RBBP9: variants seen among roughly 807,000 people sequenced by gnomAD.
RBBP9 encodes the protein serine hydrolase RBBP9.
In RBBP9, 20 loss-of-function variants were observed where a neutral mutation model predicts 24.2. The observed-to-expected ratio is 0.83, with a 90% CI of 0.58 to 1.20. RBBP9 has a LOEUF of 1.20. RBBP9 is among the 50% of genes most tolerant of loss of function. The pLI is 0.00. For synonymous variants in RBBP9, 74 were observed against 84.6 expected (o/e 0.87, Z 0.69); for missense variants, 234 against 233.6 (o/e 1.00, Z -0.01).
At chr20:18,496,521 C>G (rs1227932619) in intron 1 of RBBP9, among the ~76,000 whole-genome samples, 1 of 152,090 alleles carries the variant, frequency 6.6e-6, no homozygotes, top group Non-Finnish European at 1.5e-5. Flanking sequence ...TTGAAAAGTA[C>G]TTCAATTTTA....
chr20:18,490,267 G>T, intron 4 of RBBP9, 128 bp downstream of exon 4: 2 of 726,392 alleles, frequency 2.8e-6, no homozygotes, highest in Non-Finnish European at 4.8e-6. Context: ...AAAGATAGGT[G>T]GTATATCTTT....
At chr20:18,494,745 A>C (rs2059878857) in intron 2 of RBBP9, among the ~76,000 whole-genome samples, 2 of 152,192 alleles carry the variant, frequency 1.3e-5, no homozygotes, top group Non-Finnish European at 1.5e-5. Flanking sequence ...CTTTCCAAAA[A>C]GGGGATTCCT....
Position 18,489,022 on chromosome 20 carries a change from ATTT to A in RBBP9, c.*739_*741del, listed in dbSNP as rs2059854468. On this transcript the variant is annotated 3_prime_UTR_variant, in exon 5 of 5. Coordinates refer to ENST00000337227, the MANE Select transcript of RBBP9 (RefSeq NM_006606.3). ...CAAATTTAAAAACTACAATTTGGAGATTTTTTTCCACACAAAAAATCAGAAAAT... is the reference window on the plus strand; with the variant it reads ...CAAATTTAAAAACTACAATTTGGAGATTTTCCACACAAAAAATCAGAAAAT... 2 of 151,658 alleles carry A rather than the reference ATTT, an allele frequency of 1.3e-5. No homozygotes were observed. The highest frequency in any genetic ancestry group is 2.4e-5 in the African/African-American group (1 of 41,282). 9.4% of individuals were successfully genotyped at this position (151,658 alleles called of 1,614,324 possible). A position where few individuals can be genotyped will look rare whatever the true frequency, so the allele number is the denominator to read the frequency against.
chr20:18,494,115 A>C, intron 2 of RBBP9, 52 bp from the exon 3 acceptor site: 2 of 1,408,084 alleles, frequency 1.4e-6, no homozygotes, highest in Non-Finnish European at 2.0e-6. Flanking sequence ...GGCAGTCTGA[A>C]TCCAACGCTG....
chr20:18,493,984 G>A lies in RBBP9; in HGVS notation c.222C>T (p.His74=). The change falls in exon 3 of 5, where the codon CAC becomes CAT. Residue 74 remains histidine, a synonymous_variant. Transcript: ENST00000337227. ...HCDEKTIIIG[H]SSGAIAAMRY... is the part of the protein sequence containing the mutation. ...TCATGGCCGCGATGGCCCCAGAACTGTGGCCAATGATGATAGTCTTCTCAT... is the reference window on the plus strand; with the variant it reads ...TCATGGCCGCGATGGCCCCAGAACTATGGCCAATGATGATAGTCTTCTCAT... 6.2e-7 allele frequency: 1 copy of A among 1,613,142 alleles called. No homozygotes were observed. The highest frequency in any genetic ancestry group is 8.5e-7 in the Non-Finnish European group (1 of 1,179,714).
Position 18,489,633 on chromosome 20 carries a change from T to C in RBBP9, c.*131A>G. ...AGTGCTATTTGTAACTTAGATTGAA[T>C]GTTGAAACTTGTGTTTGTTTTTCAG... On this transcript the variant is annotated 3_prime_UTR_variant, in exon 5 of 5. Transcript: ENST00000337227. The C allele has an allele frequency of 1.6e-6, 1 of 621,182 alleles. No homozygotes were observed. The highest frequency in any genetic ancestry group is 1.8e-5 in the African/African-American group (1 of 54,524). The allele number at this position is 621,182 out of a possible 1,614,324, so 38.5% of individuals were successfully genotyped here. A position where few individuals can be genotyped will look rare whatever the true frequency, so the allele number is the denominator to read the frequency against.
chr20:18,490,925 C>T (rs1291789265), intron 3 of RBBP9, among the ~76,000 whole-genome samples: 2 of 151,972 alleles, frequency 1.3e-5, no homozygotes, highest in Non-Finnish European at 2.9e-5. Flanking sequence ...ATAATCCACT[C>T]ACCCCGGCCT....
In RBBP9 at chr20:18,497,163, G is replaced by T. The variant is rs777040213; in HGVS notation, c.5C>A (p.Ala2Asp). The change falls in exon 1 of 5, where the codon GCT becomes GAT. Residue 2 changes from alanine to aspartate, a missense_variant. Transcript: ENST00000337227. The stretch of plus-strand genomic sequence containing the variant: ...AACAATCACTGCCTTGCTAGGAGAA[G>T]CCATGAGTGCAGCGAGGCCAGAGTT... M[A>D]SPSKAVIVPG... 2.5e-6 allele frequency: 4 copies of T among 1,613,438 alleles called. No individual in the cohort carries two copies. Among genetic ancestry groups the T allele is most frequent in the Non-Finnish European group, 3.4e-6 (4 of 1,179,426 alleles).
rs546587290 is a variant in RBBP9 at position 18,496,206 on chromosome 20, G to A, written c.100-326C>T. Reference sequence around the variant, plus strand: ...AGCCAAATAGACTGTGTTCCAGGGAGTAGGTAAAACGTGGCACAGGAACGT... The same window carrying A: ...AGCCAAATAGACTGTGTTCCAGGGAATAGGTAAAACGTGGCACAGGAACGT... On this transcript the variant is annotated intron_variant, in intron 1 of 4. Coordinates refer to ENST00000337227, the MANE Select transcript of RBBP9 (RefSeq NM_006606.3). 1.6e-4 allele frequency among the ~76,000 whole-genome samples: 25 copies of A among 152,320 alleles called. No homozygotes were observed. The South Asian group carries it at 5.2e-3, about 32-fold the overall frequency.
At chr20:18,494,490 C>A (rs1403131277) in intron 2 of RBBP9, among the ~76,000 whole-genome samples, 1 of 151,704 alleles carries the variant, frequency 6.6e-6, no homozygotes, top group African/African-American at 2.4e-5. Context: ...ACCAGCCTGC[C>A]CAAATGCTGA....
intron 2 of RBBP9, among the ~76,000 whole-genome samples, chr20:18,494,558 G>A (rs2059877840): frequency 1.3e-5 from 2 of 151,998 alleles, no homozygotes; most frequent in African/African-American, 4.8e-5. Flanking sequence ...GCGCATGCCT[G>A]TAATCCCAGC....
chr20:18,495,256 T>C (rs1020523512), intron 2 of RBBP9, among the ~76,000 whole-genome samples: 10 of 146,746 alleles, frequency 6.8e-5, no homozygotes, highest in African/African-American at 2.5e-4. Context: ...AAAATTCTTC[T>C]GCCTTGGGAT....
intron 2 of RBBP9, among the ~76,000 whole-genome samples, chr20:18,494,273 T>G (rs1000842832): frequency 7.9e-6 from 1 of 125,922 alleles, no homozygotes; most frequent in Admixed American, 1.0e-4. Context: ...TAACTAGTTT[T>G]TCTTTTCTCT....
rs769020478 is a variant in RBBP9 at position 18,493,909 on chromosome 20, A to AG, written c.248+48dup. On this transcript the variant is annotated intron_variant, in intron 3 of 4. Transcript: ENST00000337227. ...ATATACGCAAGGTATTTCTCAAGCA[A>AG]GCATGACTGGAGCCCACAAAGGGGA... is the stretch of plus-strand genomic sequence containing the variant. 14 of 1,402,758 alleles carry AG rather than the reference A, an allele frequency of 1.0e-5. No homozygotes were observed. In the East Asian group the frequency reaches 2.1e-4, roughly 21 times the overall value. 86.9% of individuals were successfully genotyped at this position (1,402,758 alleles called of 1,614,324 possible). A position where few individuals can be genotyped will look rare whatever the true frequency, so the allele number is the denominator to read the frequency against.
chr20:18,495,580 T>G (rs2059883304), intron 2 of RBBP9, among the ~76,000 whole-genome samples: 1 of 34,170 alleles, frequency 2.9e-5, no homozygotes, highest in Admixed American at 3.9e-4. Flanking sequence ...CCAAGAATGA[T>G]CAATAAATAA....
Position 18,496,030 on chromosome 20 carries a change from C to T in RBBP9, c.100-150G>A, listed in dbSNP as rs574677451. 5 of 672,150 alleles carry T rather than the reference C, an allele frequency of 7.4e-6. No homozygotes were observed. In the East Asian group the frequency reaches 1.2e-4, roughly 16 times the overall value. The allele number at this position is 672,150 out of a possible 1,614,324, so 41.6% of individuals were successfully genotyped here. A position where few individuals can be genotyped will look rare whatever the true frequency, so the allele number is the denominator to read the frequency against. The stretch of plus-strand genomic sequence containing the variant: ...GAAGTAGGTTAAGTGACCATCTTTT[C>T]GCATGAACTCCATCTGTAGTTCTGT... On this transcript the variant is annotated intron_variant, in intron 1 of 4. Transcript: ENST00000337227.
At position 18,489,850 on chromosome 20, in the gene RBBP9, T is replaced by C; in HGVS notation, c.475A>G (p.Lys159Glu). Residue 159 changes from lysine (K) to glutamate (E), a missense_variant, in exon 5 of 5, where the codon AAA becomes GAA. Transcript: ENST00000337227. ...TGAAAGTGGCCACAGTCAGTGAATT[T>C]GTGCAATTTGGTTTCCAACCTATCG... is the stretch of plus-strand genomic sequence containing the variant. ...VADRLETKLHKFTDCGHFQNT... is the reference protein window; with the variant it reads ...VADRLETKLHEFTDCGHFQNT... 1 of 1,614,172 alleles carries C rather than the reference T, an allele frequency of 6.2e-7. No homozygotes were observed.
intron 3 of RBBP9, among the ~76,000 whole-genome samples, 190 bp downstream of exon 3, chr20:18,493,768 A>G (rs2059873741): frequency 2.0e-5 from 3 of 152,342 alleles, no homozygotes; most frequent in African/African-American, 4.8e-5. Context: ...CTGCATCTCA[A>G]TAAGAGCAGA....
At chr20:18,493,470 T>C (rs566135908) in intron 3 of RBBP9, among the ~76,000 whole-genome samples, 1 of 152,120 alleles carries the variant, frequency 6.6e-6, no homozygotes, top group East Asian at 1.9e-4. Flanking sequence ...GCCAGTAGAG[T>C]GAGGAAGCCA....
Sources: gnomAD v4.1 joint callset for allele counts (sites outside exome capture counted in the v4.1 genomes callset) on GRCh38, gnomAD v4.1.1 for gene constraint, MANE v1.5 for transcripts, NCBI Gene and HGNC (gene_info 2026-07-23, HGNC 2026-07-21) for gene names.